DUSP8: variants seen among roughly 807,000 people sequenced by gnomAD.
DUSP8 encodes the protein dual specificity phosphatase 8.
A neutral mutation model predicts 38.7 loss-of-function variants in DUSP8; 15 were observed. The observed-to-expected ratio is 0.39, with a 90% CI of 0.26 to 0.60. DUSP8 has a LOEUF of 0.60. Among genes scored for constraint, DUSP8 ranks in the 20% least tolerant of loss-of-function variants. The probability of loss-of-function intolerance (pLI) is 0.56; values close to 1 mark genes in which losing one functional copy is unlikely to be tolerated. For synonymous variants in DUSP8, 458 were observed against 433.9 expected (o/e 1.06, Z -0.69); for missense variants, 768 against 915.0 (o/e 0.84, Z 2.07).
At chr11:1,561,818 C>G (rs928648461) in intron 3 of DUSP8, among the ~76,000 whole-genome samples, 8 of 152,084 alleles carry the variant, frequency 5.3e-5, no homozygotes, top group African/African-American at 1.2e-4. Flanking sequence ...CCTGCCCCCC[C>G]CAATATATTC....
At chr11:1,564,790 C>T (rs1157265461) in intron 2 of DUSP8, among the ~76,000 whole-genome samples, 2 of 152,234 alleles carry the variant, frequency 1.3e-5, no homozygotes, top group African/African-American at 4.8e-5. Flanking sequence ...GGAGCCGATT[C>T]TGGCCTTGGG....
Position 1,557,389 on chromosome 11 carries a change from G to T in DUSP8, c.1007C>A (p.Thr336Asn). The T allele has an allele frequency of 6.4e-7, 1 of 1,572,488 alleles. No homozygotes were observed. Among genetic ancestry groups the T allele is most frequent in the Non-Finnish European group, 8.5e-7 (1 of 1,170,326 alleles). The change falls in exon 7 of 7, where the codon ACC (threonine) becomes AAC (asparagine). Residue 336 changes from threonine (T) to asparagine (N), a missense_variant. By Grantham distance (65) the Thr-to-Asn change is moderately conservative. Around this residue, in one of 3 missense-constraint regions of DUSP8, gnomAD observed 474 missense variants for 430.8 expected, o/e 1.10. Coordinates refer to ENST00000397374, the MANE Select transcript of DUSP8 (RefSeq NM_004420.3). The surrounding 1 kb of genome is among the most constrained non-coding windows in gnomAD (Gnocchi z 9.9). ...GAPLPRLPPP[T>N]SESAATGNAA... ...ATTCCCTGTGGCAGCGCTCTCTGAG[G>T]TAGGTGGTGGCAGCCGTGGCAGCGG...
At chr11:1,562,440 C>A (rs1036253179) in intron 3 of DUSP8, among the ~76,000 whole-genome samples, 1 of 152,202 alleles carries the variant, frequency 6.6e-6, no homozygotes, top group Non-Finnish European at 1.5e-5. Context: ...AGTCCTCAAA[C>A]TGGACCTAGG....
At position 1,565,669 on chromosome 11, in the gene DUSP8, T is replaced by C. The variant is rs1336390586; in HGVS notation, c.158A>G (p.Lys53Arg). 1 of 1,611,836 alleles carries C rather than the reference T, an allele frequency of 6.2e-7. No homozygotes were observed. The highest frequency in any genetic ancestry group is 1.1e-5 in the South Asian group (1 of 91,052). ...CTGCTGCAGCCGCCGCTTCACCAGC[T>C]TGGAGCAGCAGATGTTGACGGAGCT... is the stretch of plus-strand genomic sequence containing the variant. The part of the protein sequence containing the change: ...VLSSVNICCS[K>R]LVKRRLQQGK... Residue 53 changes from lysine to arginine, a missense_variant, in exon 2 of 7, where the codon AAG becomes AGG. Physicochemically the swap from Lys to Arg is conservative, Grantham distance 26. Coordinates refer to ENST00000397374, the MANE Select transcript of DUSP8 (RefSeq NM_004420.3).
rs1232277007 is a variant in DUSP8 at position 1,572,244 on chromosome 11, GGCTCGGCCGCCGC to G, written c.-465_-453del. 2.0e-5 allele frequency among the ~76,000 whole-genome samples: 3 copies of G among 147,098 alleles called. No individual in the cohort carries two copies. The highest frequency in any genetic ancestry group is 2.1e-4 in the South Asian group (1 of 4,782). ...CCGGCGGGGCGTCGTGGGGGGAGCCGGCTCGGCCGCCGCGCTCGGCCGCGAGTGACAGGCCCGG... is the reference window on the plus strand; with the variant it reads ...CCGGCGGGGCGTCGTGGGGGGAGCCGGCTCGGCCGCGAGTGACAGGCCCGG... On this transcript the variant is annotated 5_prime_UTR_variant, in exon 1 of 7. Coordinates refer to ENST00000397374, the MANE Select transcript of DUSP8 (RefSeq NM_004420.3). This position sits in a 1 kb window ranked among gnomAD's most constrained non-coding sequence, Gnocchi z 4.7.
chr11:1,556,957 G>A lies in DUSP8; in HGVS notation c.1439C>T (p.Ala480Val). 1 of 1,065,232 alleles carries A rather than the reference G, an allele frequency of 9.4e-7. No individual in the cohort carries two copies. Among genetic ancestry groups the A allele is most frequent in the South Asian group, 3.5e-5 (1 of 28,682 alleles). The allele number at this position is 1,065,232 out of a possible 1,614,324, so 66.0% of individuals were successfully genotyped here. Residue 480 changes from alanine (A) to valine (V), a missense_variant, in exon 7 of 7, where the codon GCC becomes GTC. Coordinates refer to ENST00000397374, the MANE Select transcript of DUSP8 (RefSeq NM_004420.3). The surrounding 1 kb of genome is among the most constrained non-coding windows in gnomAD (Gnocchi z 5.2). ...HSLGLNFGDA[A>V]RQTPRHGLSA... is the part of the protein sequence containing the mutation. ...GAGGCCGTGCCGCGGAGTCTGCCGGGCCGCATCGCCGAAGTTCAGGCCGAG... is the reference window on the plus strand; with the variant it reads ...GAGGCCGTGCCGCGGAGTCTGCCGGACCGCATCGCCGAAGTTCAGGCCGAG...
At position 1,572,015 on chromosome 11, in the gene DUSP8, G is replaced by C. The variant is rs1413203824; in HGVS notation, c.-223C>G. On this transcript the variant is annotated 5_prime_UTR_variant, in exon 1 of 7. Coordinates refer to ENST00000397374, the MANE Select transcript of DUSP8 (RefSeq NM_004420.3). The surrounding 1 kb of genome is among the most constrained non-coding windows in gnomAD (Gnocchi z 4.7). ...GCCCGCGCAGCCGGGGCAGGGGCCG[G>C]GGGAGCGCGCGGGCCGCGTCGCCGT... 6.9e-6 allele frequency: 1 copy of C among 145,658 alleles called. No homozygotes were observed. Among genetic ancestry groups the C allele is most frequent in the Non-Finnish European group, 1.5e-5 (1 of 65,642 alleles). 9.0% of individuals were successfully genotyped at this position (145,658 alleles called of 1,614,324 possible).
Position 1,557,504 on chromosome 11 carries a change from G to A in DUSP8, c.892C>T (p.Arg298Cys), listed in dbSNP as rs1174249957. ...AGGGCGGCCAGCAGCTTCAGGCTGC[G>A]CTCGTACTCCAGCAGCTGGCCCAGG... ...NFLGQLLEYE[R>C]SLKLLAALQG... Residue 298 changes from arginine to cysteine, a missense_variant, in exon 7 of 7, where the codon CGC becomes TGC. Transcript: ENST00000397374. The surrounding 1 kb of genome is among the most constrained non-coding windows in gnomAD (Gnocchi z 9.9). The A allele has an allele frequency of 1.9e-6, 3 of 1,587,544 alleles. No homozygotes were observed. The highest frequency in any genetic ancestry group is 1.7e-6 in the Non-Finnish European group (2 of 1,175,632).
chr11:1,557,182 C>A lies in DUSP8; in HGVS notation c.1214G>T (p.Ser405Ile). ...SLDIKSAYAP[S>I]RRPDGPGPPD... ...GGGCCCGGGGCCGTCGGGCCGCCTG[C>A]TAGGGGCGTAGGCAGACTTGATGTC... The change falls in exon 7 of 7, where the codon AGC becomes ATC. Residue 405 changes from serine (S) to isoleucine (I), a missense_variant. By Grantham distance (142) the Ser-to-Ile change is moderately radical. Coordinates refer to ENST00000397374, the MANE Select transcript of DUSP8 (RefSeq NM_004420.3). The surrounding 1 kb of genome is among the most constrained non-coding windows in gnomAD (Gnocchi z 9.9). The A allele has an allele frequency of 6.8e-7, 1 of 1,466,768 alleles. No homozygotes were observed. Among genetic ancestry groups the A allele is most frequent in the Admixed American group, 2.7e-5 (1 of 37,646 alleles). 90.9% of individuals were successfully genotyped at this position (1,466,768 alleles called of 1,614,324 possible). A position where few individuals can be genotyped will look rare whatever the true frequency, so the allele number is the denominator to read the frequency against.
chr11:1,562,913 C>T (rs374469834), intron 3 of DUSP8, among the ~76,000 whole-genome samples: 219 of 152,292 alleles, frequency 1.4e-3, no homozygotes, highest in African/African-American at 5.1e-3. Flanking sequence ...CCCAGGTGCC[C>T]TTTAGGTCCC....
In DUSP8 at chr11:1,572,197, C is replaced by T. The variant is rs1418500416; in HGVS notation, c.-405G>A. On this transcript the variant is annotated 5_prime_UTR_variant, in exon 1 of 7. Transcript: ENST00000397374. The surrounding 1 kb of genome is among the most constrained non-coding windows in gnomAD (Gnocchi z 4.7). The stretch of plus-strand genomic sequence containing the variant: ...GGCGCGGCTCGGGCTCGGGCTCGGG[C>T]TCGGGCTCGGGCGTCCGGCGTCCGG... 6.9e-6 allele frequency among the ~76,000 whole-genome samples: 1 copy of T among 145,412 alleles called. No homozygotes were observed. The highest frequency in any genetic ancestry group is 1.5e-5 in the Non-Finnish European group (1 of 65,396).
rs1848588256 is a variant in DUSP8, at chr11:1,554,409, A to G, written c.*2109T>C. ...CTGGAGGAGGCAGTGGCCAGGTGGGAGGGGCCGGAGAGAGGCTTGGAGAGG... is the reference window on the plus strand; with the variant it reads ...CTGGAGGAGGCAGTGGCCAGGTGGGGGGGGCCGGAGAGAGGCTTGGAGAGG... On this transcript the variant is annotated 3_prime_UTR_variant, in exon 7 of 7. Coordinates refer to ENST00000397374, the MANE Select transcript of DUSP8 (RefSeq NM_004420.3). The G allele has an allele frequency of 6.6e-6, 1 of 150,744 alleles. No individual in the cohort carries two copies. The highest frequency in any genetic ancestry group is 1.5e-5 in the Non-Finnish European group (1 of 68,216). The allele number at this position is 150,744 out of a possible 1,614,324, so 9.3% of individuals were successfully genotyped here. A position where few individuals can be genotyped will look rare whatever the true frequency, so the allele number is the denominator to read the frequency against.
chr11:1,556,468 A>G lies in DUSP8; in HGVS notation c.*50T>C. On this transcript the variant is annotated 3_prime_UTR_variant, in exon 7 of 7. Transcript: ENST00000397374. This position sits in a 1 kb window ranked among gnomAD's most constrained non-coding sequence, Gnocchi z 5.2. ...TTTCTTTGCATTATATATAATATACATTTATAACGGGCCTGGCTGCGGGCG... is the reference window on the plus strand; with the variant it reads ...TTTCTTTGCATTATATATAATATACGTTTATAACGGGCCTGGCTGCGGGCG... The G allele has an allele frequency of 1.6e-6, 2 of 1,231,860 alleles. No homozygotes were observed. The highest frequency in any genetic ancestry group is 2.0e-6 in the Non-Finnish European group (2 of 987,520). The allele number at this position is 1,231,860 out of a possible 1,614,324, so 76.3% of individuals were successfully genotyped here.
In DUSP8 at chr11:1,556,674, G is replaced by C. The variant is rs1160954793; in HGVS notation, c.1722C>G (p.Pro574=). Residue 574 remains proline (P), a synonymous_variant, in exon 7 of 7, where the codon CCC becomes CCG. Coordinates refer to ENST00000397374, the MANE Select transcript of DUSP8 (RefSeq NM_004420.3). The surrounding 1 kb of genome is among the most constrained non-coding windows in gnomAD (Gnocchi z 5.2). ...ACTGCGTCTCCGGGGCCGGCTCCTC[G>C]GGCCAGCCGGTCCGCGCGTCCCGGG... The part of the protein sequence containing the change: ...AEPRDARTGW[P]EEPAPETQFK... 2.2e-6 allele frequency: 3 copies of C among 1,342,802 alleles called. No homozygotes were observed. Among genetic ancestry groups the C allele is most frequent in the Non-Finnish European group, 9.6e-7 (1 of 1,042,962 alleles). The allele number at this position is 1,342,802 out of a possible 1,614,324, so 83.2% of individuals were successfully genotyped here.
rs973675691 is a variant in DUSP8 at position 1,557,214 on chromosome 11, G to T, written c.1182C>A (p.Phe394Leu). 5 of 1,496,408 alleles carry T rather than the reference G, an allele frequency of 3.3e-6. 1 individual carries two copies. The highest frequency in any genetic ancestry group is 4.4e-6 in the Non-Finnish European group (5 of 1,125,176). 92.7% of individuals were successfully genotyped at this position (1,496,408 alleles called of 1,614,324 possible). The change falls in exon 7 of 7, where the codon TTC becomes TTA. Residue 394 changes from phenylalanine (F) to leucine (L), a missense_variant. Phe to Leu is a conservative substitution (Grantham distance 22). Around this residue, in one of 3 missense-constraint regions of DUSP8, gnomAD observed 474 missense variants for 430.8 expected, o/e 1.10. Coordinates refer to ENST00000397374, the MANE Select transcript of DUSP8 (RefSeq NM_004420.3). The surrounding 1 kb of genome is among the most constrained non-coding windows in gnomAD (Gnocchi z 9.9). ...CGTAGGCAGACTTGATGTCCAGGGAGAAGGAGCGCTTGAGGCGGTTAGTGT... is the reference window on the plus strand; with the variant it reads ...CGTAGGCAGACTTGATGTCCAGGGATAAGGAGCGCTTGAGGCGGTTAGTGT... The part of the protein sequence containing the change: ...LQDTNRLKRS[F>L]SLDIKSAYAP...
At chr11:1,559,770 C>T (rs772812532) in intron 3 of DUSP8, among the ~76,000 whole-genome samples, 11 of 152,182 alleles carry the variant, frequency 7.2e-5, no homozygotes, top group South Asian at 4.1e-4. Flanking sequence ...CCGCTGCACA[C>T]GTGACCAGCG....
In DUSP8 at chr11:1,557,137, G is replaced by C. The variant is rs1191352848; in HGVS notation, c.1259C>G (p.Pro420Arg). 2.1e-6 allele frequency: 3 copies of C among 1,421,904 alleles called. No homozygotes were observed. The East Asian group carries it at 9.3e-5, about 44-fold the overall frequency. 88.1% of individuals were successfully genotyped at this position (1,421,904 alleles called of 1,614,324 possible). A position where few individuals can be genotyped will look rare whatever the true frequency, so the allele number is the denominator to read the frequency against. Reference sequence around the variant, plus strand: ...CGGGCTGTCCAGCTTGCAGAGCTTCGGGGCCTCGCCGGGGTCGGGGGGCCC... The same window carrying C: ...CGGGCTGTCCAGCTTGCAGAGCTTCCGGGCCTCGCCGGGGTCGGGGGGCCC... ...GPGPPDPGEA[P>R]KLCKLDSPSG... Residue 420 changes from proline (P) to arginine (R), a missense_variant, in exon 7 of 7, where the codon CCG becomes CGG. By Grantham distance (103) the Pro-to-Arg change is moderately radical. Transcript: ENST00000397374. This position sits in a 1 kb window ranked among gnomAD's most constrained non-coding sequence, Gnocchi z 9.9.
chr11:1,557,152 T>C lies in DUSP8; in HGVS notation c.1244A>G (p.Asp415Gly). The C allele has an allele frequency of 7.0e-7, 1 of 1,430,382 alleles. No individual in the cohort carries two copies. Among genetic ancestry groups the C allele is most frequent in the African/African-American group, 1.5e-5 (1 of 64,922 alleles). The allele number at this position is 1,430,382 out of a possible 1,614,324, so 88.6% of individuals were successfully genotyped here. ...GCAGAGCTTCGGGGCCTCGCCGGGG[T>C]CGGGGGGCCCGGGGCCGTCGGGCCG... ...SRRPDGPGPP[D>G]PGEAPKLCKL... is the part of the protein sequence containing the mutation. The change falls in exon 7 of 7, where the codon GAC becomes GGC. Residue 415 changes from aspartate to glycine, a missense_variant. By Grantham distance (94) the Asp-to-Gly change is moderately conservative (BLOSUM62 -1). Transcript: ENST00000397374. This position sits in a 1 kb window ranked among gnomAD's most constrained non-coding sequence, Gnocchi z 9.9.
rs761187621 is a variant in DUSP8, at chr11:1,556,591, C to A, written c.1805G>T (p.Arg602Leu). ...FEEGMVEGRA[R>L]GEELAALGKQ... ...GCCCAGGGCGGCCAGCTCCTCGCCG[C>A]GCGCGCGCCCCTCCACCATGCCCTC... The change falls in exon 7 of 7, where the codon CGC (arginine) becomes CTC (leucine). Residue 602 changes from arginine to leucine, a missense_variant. Arg to Leu is a moderately radical substitution (Grantham distance 102). Transcript: ENST00000397374. The surrounding 1 kb of genome is among the most constrained non-coding windows in gnomAD (Gnocchi z 5.2). 16 of 1,435,038 alleles carry A rather than the reference C, an allele frequency of 1.1e-5. No homozygotes were observed. The highest frequency in any genetic ancestry group is 2.9e-5 in the African/African-American group (2 of 67,806). 88.9% of individuals were successfully genotyped at this position (1,435,038 alleles called of 1,614,324 possible). A position where few individuals can be genotyped will look rare whatever the true frequency, so the allele number is the denominator to read the frequency against.
Sources: allele counts gnomAD v4.1 joint callset (sites outside exome capture counted in the v4.1 genomes callset), GRCh38; gene constraint gnomAD v4.1.1; regional missense constraint gnomAD v4.1.1; non-coding constraint Gnocchi (gnomAD v3.1); transcripts MANE v1.5; gene names NCBI Gene and HGNC (gene_info 2026-07-23, HGNC 2026-07-21).